The following CENPF variants were observed in gnomAD, a reference collection of about 807,000 sequenced individuals.
CENPF encodes the protein centromere protein F, also known as AH antigen.
In CENPF, 214 loss-of-function variants were observed where a neutral mutation model predicts 307.3. The ratio of observed to expected loss-of-function variants is 0.70; its 90% confidence interval spans 0.62 to 0.78. The LOEUF (loss-of-function observed/expected upper bound fraction) is 0.78. Among genes scored for constraint, CENPF ranks in the 30% least tolerant of loss-of-function variants. The pLI is 0.00. For missense variants in CENPF, 3,401 were observed against 3,483.9 expected (o/e 0.98, Z 0.60); for synonymous variants, 1,259 against 1,270.6 (o/e 0.99, Z 0.19).
intron 14 of CENPF, among the ~76,000 whole-genome samples, chr1:214,650,882 T>C (rs561927743): frequency 6.6e-6 from 1 of 152,122 alleles, no homozygotes; most frequent in Non-Finnish European, 1.5e-5. Context: ...TGAGACCCTG[T>C]CTCAAGAAAA....
At chr1:214,608,245 C>T in intron 1 of CENPF, 5 of 1,462,146 alleles carry the variant, frequency 3.4e-6, no homozygotes, top group Admixed American at 2.0e-5. Flanking sequence ...GGGAAGCCCG[C>T]CCCCCGGCCC....
At chr1:214,614,688 A>G in intron 2 of CENPF, 144 bp from the exon 3 acceptor site, 1 of 506,646 alleles carries the variant, frequency 2.0e-6, no homozygotes, top group Non-Finnish European at 3.4e-6. Context: ...TCAAAGTGTG[A>G]TCATCTAAAA....
Position 214,622,296 on chromosome 1 carries a change from G to A in CENPF, c.1068+15G>A, listed in dbSNP as rs117507465. On this transcript the variant is annotated intron_variant, in intron 7 of 19. Coordinates refer to ENST00000366955, the MANE Select transcript of CENPF (RefSeq NM_016343.4). Reference sequence around the variant, plus strand: ...CGTCAACCAAGGTACTTGACTTTTCGTGAATTACTGGAGAAATCTTCATCT... The same window carrying A: ...CGTCAACCAAGGTACTTGACTTTTCATGAATTACTGGAGAAATCTTCATCT... 2.6e-3 allele frequency: 4,089 copies of A among 1,570,756 alleles called. 75 individuals carry two copies. In the Admixed American group the frequency reaches 0.038, roughly 15 times the overall value.
Position 214,642,740 on chromosome 1 carries a change from T to C in CENPF, c.4402T>C (p.Leu1468=). 6.2e-7 allele frequency: 1 copy of C among 1,614,144 alleles called. No individual in the cohort carries two copies. The highest frequency in any genetic ancestry group is 2.2e-5 in the East Asian group (1 of 44,880). The stretch of plus-strand genomic sequence containing the variant: ...CTTGGTGAAGGAGATGCAGCTGGGC[T>C]TGGAGGAGGGGCTCGTTCCATCCCT... ...GDLVKEMQLG[L]EEGLVPSLSS... is the part of the protein sequence containing the mutation. Residue 1468 remains leucine (L), a synonymous_variant, in exon 12 of 20, where the codon TTG becomes CTG. Coordinates refer to ENST00000366955, the MANE Select transcript of CENPF (RefSeq NM_016343.4).
rs771824996 is a variant in CENPF at position 214,644,723 on chromosome 1, C to T, written c.5153C>T (p.Thr1718Ile). 6.2e-7 allele frequency: 1 copy of T among 1,613,790 alleles called. No individual in the cohort carries two copies. The highest frequency in any genetic ancestry group is 1.3e-5 in the African/African-American group (1 of 74,882). Residue 1718 changes from threonine to isoleucine, a missense_variant, in exon 13 of 20, where the codon ACA becomes ATA. Coordinates refer to ENST00000366955, the MANE Select transcript of CENPF (RefSeq NM_016343.4). ...KITETGAVKP[T>I]GECSGEQSPD... ...ACTGAGACTGGTGCAGTGAAACCCA[C>T]AGGAGAGTGCTCTGGGGAACAGTCC...
Position 214,663,618 on chromosome 1 carries a change from G to T in CENPF, c.9169G>T (p.Asp3057Tyr), listed in dbSNP as rs757174642. ...CAAAGTTGCTCAGCGGAGCCCAGTA[G>T]ATTCAGGCACCATCCTCCGAGAACC... Reference protein sequence around the residue: ...KVKVAQRSPVDSGTILREPTT... With the variant: ...KVKVAQRSPVYSGTILREPTT... Residue 3057 changes from aspartate (D) to tyrosine (Y), a missense_variant, in exon 20 of 20, where the codon GAT becomes TAT. Physicochemically the swap from Asp to Tyr is radical, Grantham distance 160 (BLOSUM62 -3). Coordinates refer to ENST00000366955, the MANE Select transcript of CENPF (RefSeq NM_016343.4). 1.2e-6 allele frequency: 2 copies of T among 1,614,136 alleles called. No individual in the cohort carries two copies. Among genetic ancestry groups the T allele is most frequent in the Admixed American group, 1.7e-5 (1 of 60,020 alleles).
rs1291277802 is a variant in CENPF at position 214,624,715 on chromosome 1, A to AT, written c.1068+2445dup. 6.5e-4 allele frequency among the ~76,000 whole-genome samples: 93 copies of AT among 143,728 alleles called. No individual in the cohort carries two copies. The South Asian group carries it at 6.6e-3, about 10-fold the overall frequency. 94.3% of individuals were successfully genotyped at this position (143,728 alleles called of 152,430 possible). ...AAATAATCAGCCCATTGGTTCATTG[A>AT]TTTTTTTTTTTCTCTGTTTTCAATT... On this transcript the variant is annotated intron_variant, in intron 7 of 19. Coordinates refer to ENST00000366955, the MANE Select transcript of CENPF (RefSeq NM_016343.4).
At chr1:214,634,061 T>G (rs531618139) in intron 10 of CENPF, among the ~76,000 whole-genome samples, 1 of 152,140 alleles carries the variant, frequency 6.6e-6, no homozygotes, top group Non-Finnish European at 1.5e-5. Context: ...GTCTTGCAGG[T>G]GTTTCTGAAG....
Position 214,644,772 on chromosome 1 carries a change from AGGGGAAGATAAAACCCAGGGCTC to A in CENPF, c.5203_5225del (p.Gly1735PhefsTer6). 6.2e-7 allele frequency: 1 copy of A among 1,613,976 alleles called. No individual in the cohort carries two copies. The highest frequency in any genetic ancestry group is 8.5e-7 in the Non-Finnish European group (1 of 1,179,944). On this transcript the variant is annotated frameshift_variant, in exon 13 of 20. Coordinates refer to ENST00000366955, the MANE Select transcript of CENPF (RefSeq NM_016343.4). LOFTEE classifies it high-confidence loss of function. ...CCCCAGATACCAATTATGAGCCTCC[AGGGGAAGATAAAACCCAGGGCTC>A]TTCAGAATGCATTTCTGAATTGTCA...
rs1553291307 is a variant in CENPF at position 214,651,958 on chromosome 1, T to TTC, written c.8160+72_8160+73insTC. The TTC allele has an allele frequency of 7.7e-4, 962 of 1,248,118 alleles. 3 individuals are homozygous for TTC. The highest frequency in any genetic ancestry group is 3.3e-3 in the African/African-American group (220 of 66,902). 77.3% of individuals were successfully genotyped at this position (1,248,118 alleles called of 1,614,324 possible). A position where few individuals can be genotyped will look rare whatever the true frequency, so the allele number is the denominator to read the frequency against. Reference sequence around the variant, plus strand: ...GATCATGGTAAGGCTTTTTTTTTTTTCCAAAAAAAATCAATATTCTGGGTT... The same window carrying TTC: ...GATCATGGTAAGGCTTTTTTTTTTTTTCCCAAAAAAAATCAATATTCTGGGTT... On this transcript the variant is annotated intron_variant, in intron 15 of 19. Coordinates refer to ENST00000366955, the MANE Select transcript of CENPF (RefSeq NM_016343.4).
chr1:214,605,748 T>C (rs1657008236), intron 1 of CENPF: 1 of 1,594,230 alleles, frequency 6.3e-7, no homozygotes, highest in Non-Finnish European at 8.5e-7. Flanking sequence ...TAGAGCTCGA[T>C]GTCGTTGTGC....
intron 16 of CENPF, 158 bp from the exon 17 acceptor site, chr1:214,655,083 T>G: frequency 2.2e-6 from 1 of 463,154 alleles, no homozygotes; most frequent in South Asian, 5.2e-5. Context: ...GGAAACTGAG[T>G]AGAGAACGTG....
intron 4 of CENPF, 111 bp from the exon 5 acceptor site, chr1:214,619,015 ATGT>A (rs1657433807): frequency 1.1e-5 from 7 of 610,394 alleles, no homozygotes; most frequent in Non-Finnish European, 1.7e-5. Flanking sequence ...CCTAACCAAA[ATGT>A]TGTTTCTACT....
At chr1:214,652,780 C>A in intron 15 of CENPF, 48 bp from the exon 16 acceptor site, 1 of 1,479,214 alleles carries the variant, frequency 6.8e-7, no homozygotes, top group Non-Finnish European at 9.1e-7. Flanking sequence ...TTAGCTGTGC[C>A]TCCTGGCTAA....
intron 1 of CENPF, chr1:214,608,637 C>A: frequency 6.9e-6 from 11 of 1,604,326 alleles, no homozygotes; most frequent in Non-Finnish European, 9.3e-6. Flanking sequence ...CCGTCAGGTG[C>A]AGCTTCCAGC....
In CENPF at chr1:214,652,455, T is replaced by C. The variant is rs1658509154; in HGVS notation, c.8161-373T>C. Among the ~76,000 whole-genome samples, 5 of 149,678 alleles carry C rather than the reference T, an allele frequency of 3.3e-5. No individual in the cohort carries two copies. The South Asian group carries it at 1.1e-3, about 32-fold the overall frequency. On this transcript the variant is annotated intron_variant, in intron 15 of 19. Coordinates refer to ENST00000366955, the MANE Select transcript of CENPF (RefSeq NM_016343.4). ...TTTGTTTTTCTTTTCTTTTTTTTTTTTTTTTTGAGACTGAGCCTCACTCTG... is the reference window on the plus strand; with the variant it reads ...TTTGTTTTTCTTTTCTTTTTTTTTTCTTTTTTGAGACTGAGCCTCACTCTG...
intron 3 of CENPF, among the ~76,000 whole-genome samples, chr1:214,617,603 C>A (rs945197315): frequency 6.6e-6 from 1 of 152,048 alleles, no homozygotes. Flanking sequence ...TTATGTTTCC[C>A]ATTTCTTGTA....
At chr1:214,604,177 G>T (rs1221274426) in intron 1 of CENPF, among the ~76,000 whole-genome samples, 3 of 152,150 alleles carry the variant, frequency 2.0e-5, no homozygotes, top group Non-Finnish European at 4.4e-5. Flanking sequence ...GGTGGAGGTG[G>T]GGCAGGAGGA....
In CENPF at chr1:214,644,905, A is replaced by G. The variant is rs1221969538; in HGVS notation, c.5335A>G (p.Thr1779Ala). 6.2e-7 allele frequency: 1 copy of G among 1,613,988 alleles called. No homozygotes were observed. The highest frequency in any genetic ancestry group is 8.5e-7 in the Non-Finnish European group (1 of 1,179,970). ...IHNLQLRVKE[T>A]SNENLRLLHV... ...TAATCTTCAACTGCGGGTAAAAGAG[A>G]CATCAAATGAGAATTTGAGATTACT... Residue 1779 changes from threonine (T) to alanine (A), a missense_variant, in exon 13 of 20, where the codon ACA becomes GCA. By Grantham distance (58) the Thr-to-Ala change is moderately conservative. Transcript: ENST00000366955.
Sources: gnomAD v4.1 joint callset for allele counts (sites outside exome capture counted in the v4.1 genomes callset) on GRCh38, gnomAD v4.1.1 for gene constraint, MANE v1.5 for transcripts, NCBI Gene and HGNC (gene_info 2026-07-23, HGNC 2026-07-21) for gene names.